F7: variants seen among roughly 807,000 people sequenced by gnomAD.
F7 encodes FVII coagulation protein.
F7 carries 38 observed loss-of-function variants against 47.5 expected under a neutral mutation model. The observed-to-expected ratio is 0.80, with a 90% CI of 0.62 to 1.05. F7 has a LOEUF of 1.05. Ranked by LOEUF, F7 falls within the 50% of genes least tolerant of loss-of-function variation. The pLI, the probability that F7 is intolerant of heterozygous loss-of-function variation, is 0.00. For missense variants in F7, 575 were observed against 605.4 expected (o/e 0.95, Z 0.53); for synonymous variants, 244 against 258.5 (o/e 0.94, Z 0.54).
chr13:113,116,403 G>A (rs1024387877), intron 5 of F7, among the ~76,000 whole-genome samples: 1 of 152,236 alleles, frequency 6.6e-6, no homozygotes, highest in African/African-American at 2.4e-5. Flanking sequence ...AACACAGTTT[G>A]ATTCATCTTT....
chr13:113,105,845 G>A lies in F7; in HGVS notation c.4G>A (p.Val2Ile), dbSNP rs751247590. MVSQALRLLCLL... is the reference protein window; with the variant it reads MISQALRLLCLL... ...GCAGCACTGCAGAGATTTCATCATG[G>A]TCTCCCAGGCCCTCAGGCTCCTCTG... is the stretch of plus-strand genomic sequence containing the variant. The change falls in exon 1 of 8, where the codon GTC (valine) becomes ATC (isoleucine). Residue 2 changes from valine (V) to isoleucine (I), a missense_variant. Physicochemically the swap from Val to Ile is conservative, Grantham distance 29. Transcript: ENST00000346342. The A allele has an allele frequency of 6.3e-7, 1 of 1,588,344 alleles. No homozygotes were observed. The highest frequency in any genetic ancestry group is 8.6e-7 in the Non-Finnish European group (1 of 1,167,926).
At position 113,120,056 on chromosome 13, in the gene F7, T is replaced by A. The variant is rs2142238600; in HGVS notation, c.*1048T>A. 6.6e-6 allele frequency: 1 copy of A among 152,400 alleles called. No individual in the cohort carries two copies. Among genetic ancestry groups the A allele is most frequent in the South Asian group, 2.1e-4 (1 of 4,834 alleles). 9.4% of individuals were successfully genotyped at this position (152,400 alleles called of 1,614,324 possible). ...CACTGGGTTGCCCATGATTCATTTT[T>A]GGAGCCCCCGGTGCTCATCCTCTGA... On this transcript the variant is annotated 3_prime_UTR_variant, in exon 8 of 8. Coordinates refer to ENST00000346342, the MANE Select transcript of F7 (RefSeq NM_019616.4).
chr13:113,110,601 C>A, intron 1 of F7, 89 bp from the exon 2 acceptor site: 1 of 1,517,304 alleles, frequency 6.6e-7, no homozygotes, highest in Non-Finnish European at 8.9e-7. Flanking sequence ...CGGGAACCTG[C>A]GATGCCCCCG....
chr13:113,119,955 AGACT>A lies in F7; in HGVS notation c.*948_*951del, dbSNP rs2036275283. On this transcript the variant is annotated 3_prime_UTR_variant, in exon 8 of 8. Coordinates refer to ENST00000346342, the MANE Select transcript of F7 (RefSeq NM_019616.4). ...CCCTTCGCTGGGTGCCGGGCTGCAC[AGACT>A]ATTCCCCACCTGCTTCCCAGCTTCA... 6.6e-6 allele frequency: 1 copy of A among 152,258 alleles called. No homozygotes were observed. The highest frequency in any genetic ancestry group is 2.4e-5 in the African/African-American group (1 of 41,444). 9.4% of individuals were successfully genotyped at this position (152,258 alleles called of 1,614,324 possible).
chr13:113,117,727 G>A (rs1450491977), intron 7 of F7, 131 bp downstream of exon 7: 2 of 1,515,386 alleles, frequency 1.3e-6, no homozygotes, highest in African/African-American at 2.8e-5. Flanking sequence ...ACTCTCCCCT[G>A]TCCGACCGCG....
At chr13:113,111,126 G>A (rs2036085867) in intron 2 of F7, among the ~76,000 whole-genome samples, 2 of 152,182 alleles carry the variant, frequency 1.3e-5, no homozygotes, top group Admixed American at 6.5e-5. Flanking sequence ...CACACTTAGG[G>A]TGTCCCCCTT....
intron 4 of F7, among the ~76,000 whole-genome samples, chr13:113,114,325 G>C (rs925315740): frequency 1.1e-5 from 1 of 88,252 alleles, no homozygotes; most frequent in African/African-American, 3.6e-5. Flanking sequence ...AAAGGTTTGA[G>C]GGGTTTGTTT....
chr13:113,118,759 G>A lies in F7; in HGVS notation c.1086G>A (p.Thr362=), dbSNP rs145994193. 6.1e-5 allele frequency: 99 copies of A among 1,613,140 alleles called. No individual in the cohort carries two copies. The highest frequency in any genetic ancestry group is 2.9e-4 in the African/African-American group (22 of 75,056). Residue 362 remains threonine, a synonymous_variant, in exon 8 of 8, where the codon ACG becomes ACA. Coordinates refer to ENST00000346342, the MANE Select transcript of F7 (RefSeq NM_019616.4). ...SRKVGDSPNI[T]EYMFCAGYSD... is the part of the protein sequence containing the mutation. ...AGGTGGGAGACTCCCCAAATATCAC[G>A]GAGTACATGTTCTGTGCCGGCTACT... is the stretch of plus-strand genomic sequence containing the variant.
intron 1 of F7, chr13:113,106,699 T>G (rs1360768451): frequency 5.8e-6 from 3 of 514,998 alleles, no homozygotes; most frequent in Non-Finnish European, 9.7e-6. Flanking sequence ...GTAGGGGGTG[T>G]GGCGTGAGGA....
intron 1 of F7, 133 bp from the exon 2 acceptor site, chr13:113,110,557 C>T (rs2036071079): frequency 7.9e-7 from 1 of 1,271,660 alleles, no homozygotes; most frequent in Non-Finnish European, 1.1e-6. Context: ...CAGCCAGGCC[C>T]GCGAGCAGCG....
intron 2 of F7, among the ~76,000 whole-genome samples, chr13:113,111,835 C>T (rs1351699393): frequency 6.3e-4 from 21 of 33,318 alleles, no homozygotes; most frequent in East Asian, 1.9e-3. Flanking sequence ...CACCTCACAC[C>T]CACAGGACAC....
intron 1 of F7, chr13:113,106,900 G>T (rs1226891250): frequency 1.2e-5 from 19 of 1,605,102 alleles, no homozygotes; most frequent in Non-Finnish European, 1.6e-5. Context: ...GGAAGCCGGG[G>T]CCTCACAGAG....
rs1380041778 is a variant in F7, at chr13:113,113,313, TAAG to T, written c.226-438_226-436del. Among the ~76,000 whole-genome samples, 3 of 152,386 alleles carry T rather than the reference TAAG, an allele frequency of 2.0e-5. No homozygotes were observed. Among genetic ancestry groups the T allele is most frequent in the African/African-American group, 7.2e-5 (3 of 41,596 alleles). The stretch of plus-strand genomic sequence containing the variant: ...GTATTCTCACAGCACCCCGTGAGTT[TAAG>T]TTCAGGTGGCCAACAGTTTCTTCAG... On this transcript the variant is annotated intron_variant, in intron 2 of 7. Coordinates refer to ENST00000346342, the MANE Select transcript of F7 (RefSeq NM_019616.4). The surrounding 1 kb of genome is among the most constrained non-coding windows in gnomAD (Gnocchi z 4.1).
rs1283279930 is a variant in F7, at chr13:113,116,873, C to A, written c.613C>A (p.Gln205Lys). 1.9e-6 allele frequency: 3 copies of A among 1,611,122 alleles called. No individual in the cohort carries two copies. The African/African-American group carries it at 4.0e-5, about 22-fold the overall frequency. Residue 205 changes from glutamine (Q) to lysine (K), a missense_variant and splice_region_variant, in exon 6 of 8, where the codon CAG becomes AAG. Coordinates refer to ENST00000346342, the MANE Select transcript of F7 (RefSeq NM_019616.4). The part of the protein sequence containing the change: ...KVCPKGECPW[Q>K]VLLLVNGAQL... Reference sequence around the variant, plus strand: ...GTGCCCCAAAGGGGAGTGTCCATGGCAGGTAAGGCTTCCCCTGGCTTCAGG... The same window carrying A: ...GTGCCCCAAAGGGGAGTGTCCATGGAAGGTAAGGCTTCCCCTGGCTTCAGG...
At position 113,118,727 on chromosome 13, in the gene F7, TC is replaced by T; in HGVS notation, c.1055del (p.Ser352TyrfsTer45). 1 of 1,613,020 alleles carries T rather than the reference TC, an allele frequency of 6.2e-7. No homozygotes were observed. On this transcript the variant is annotated frameshift_variant, in exon 8 of 8. Coordinates refer to ENST00000346342, the MANE Select transcript of F7 (RefSeq NM_019616.4). LOFTEE classifies it high-confidence loss of function. ...RLMTQDCLQQ[S>X]RKVGDSPNIT... ...GATGACCCAGGACTGCCTGCAGCAG[TC>T]ACGGAAGGTGGGAGACTCCCCAAAT...
At chr13:113,106,666 TGA>T (rs2035966006) in intron 1 of F7, among the ~76,000 whole-genome samples, 1 of 36,322 alleles carries the variant, frequency 2.8e-5, no homozygotes. Context: ...CTGGGAATGG[TGA>T]GTGGGGCATG....
Position 113,116,824 on chromosome 13 carries a change from A to C in F7, c.564A>C (p.Gln188His). The C allele has an allele frequency of 1.2e-6, 2 of 1,613,900 alleles. No homozygotes were observed. Among genetic ancestry groups the C allele is most frequent in the Non-Finnish European group, 1.7e-6 (2 of 1,180,028 alleles). The change falls in exon 6 of 8, where the codon CAA (glutamine) becomes CAC (histidine). Residue 188 changes from glutamine (Q) to histidine (H), a missense_variant. Coordinates refer to ENST00000346342, the MANE Select transcript of F7 (RefSeq NM_019616.4). Reference protein sequence around the residue: ...ILEKRNASKPQGRIVGGKVCP... With the variant: ...ILEKRNASKPHGRIVGGKVCP... Reference sequence around the variant, plus strand: ...AAAAAAGAAATGCCAGCAAACCCCAAGGCCGAATTGTGGGGGGCAAGGTGT... The same window carrying C: ...AAAAAAGAAATGCCAGCAAACCCCACGGCCGAATTGTGGGGGGCAAGGTGT...
In F7 at chr13:113,118,518, C is replaced by T. The variant is rs121964931; in HGVS notation, c.845C>T (p.Ala282Val). The change falls in exon 8 of 8, where the codon GCG (alanine) becomes GTG (valine). Residue 282 changes from alanine to valine, a missense_variant. Coordinates refer to ENST00000346342, the MANE Select transcript of F7 (RefSeq NM_019616.4). The part of the protein sequence containing the change: ...YVPGTTNHDI[A>V]LLRLHQPVVL... ...CCGGGCACCACCAACCACGACATCG[C>T]GCTGCTCCGCCTGCACCAGCCCGTG... The T allele has an allele frequency of 5.2e-5, 84 of 1,611,680 alleles. No homozygotes were observed. The Middle Eastern group carries it at 1.7e-3, about 32-fold the overall frequency.
At chr13:113,107,204 G>C (rs540723613) in intron 1 of F7, among the ~76,000 whole-genome samples, 1 of 152,162 alleles carries the variant, frequency 6.6e-6, no homozygotes, top group African/African-American at 2.4e-5. Context: ...TTTCACCCCA[G>C]GGCGGTCACC....
Sources: allele counts gnomAD v4.1 joint callset (sites outside exome capture counted in the v4.1 genomes callset), GRCh38; gene constraint gnomAD v4.1.1; non-coding constraint Gnocchi (gnomAD v3.1); transcripts MANE v1.5; gene names NCBI Gene and HGNC (gene_info 2026-07-23, HGNC 2026-07-21).